Variants in ADGRE2 observed in about 807,000 individuals in gnomAD.
ADGRE2 encodes the protein adhesion G protein-coupled receptor E2, also known as CD97 antigen.
In ADGRE2, 83 loss-of-function variants were observed where a neutral mutation model predicts 100.8. The observed-to-expected ratio is 0.82, with a 90% CI of 0.69 to 0.99. The LOEUF is 0.99. Among genes scored for constraint, ADGRE2 ranks in the 50% least tolerant of loss-of-function variants. The probability of loss-of-function intolerance (pLI) is 0.00; values close to 1 mark genes in which losing one functional copy is unlikely to be tolerated. For synonymous variants in ADGRE2, 355 were observed against 413.0 expected, an observed-to-expected ratio of 0.86 and a Z score of 1.70; for missense variants, 814 against 1,035.7, an observed-to-expected ratio of 0.79 and a Z score of 2.94.
rs576270314 is a variant in ADGRE2 at position 14,735,013 on chromosome 19, A to G, written c.*1223T>C. ...AGGGAACTTGGAGCCGCCATTTTGG[A>G]CATGCCTAGTCTAGGTAGCTTTTTC... On this transcript the variant is annotated 3_prime_UTR_variant, in exon 21 of 21. Transcript: ENST00000315576. 6.6e-6 allele frequency: 1 copy of G among 152,306 alleles called. No individual in the cohort carries two copies. The highest frequency in any genetic ancestry group is 1.9e-4 in the East Asian group (1 of 5,186). 9.4% of individuals were successfully genotyped at this position (152,306 alleles called of 1,614,324 possible).
rs117889898 is a variant in ADGRE2 at position 14,734,345 on chromosome 19, C to G, written c.*1891G>C. The G allele has an allele frequency of 0.012, 1,774 of 152,310 alleles. 28 individuals carry two copies. Among genetic ancestry groups the G allele is most frequent in the East Asian group, 0.067 (345 of 5,174 alleles). 9.4% of individuals were successfully genotyped at this position (152,310 alleles called of 1,614,324 possible). On this transcript the variant is annotated 3_prime_UTR_variant, in exon 21 of 21. Transcript: ENST00000315576. ...AGCCTGGGCAGCATAGTGAGACCCA[C>G]GTCTCTACAAAAAATACAAAAATTA...
chr19:14,725,286 G>A, the ADGRE2 span, among the ~76,000 whole-genome samples: 1 of 152,128 alleles, frequency 6.6e-6, no homozygotes, highest in Non-Finnish European at 1.5e-5. Context: ...ATCCGAATAC[G>A]TCCCACCAGT....
chr19:14,731,646 T>A, downstream of ADGRE2: 1 of 149,016 alleles, frequency 6.7e-6, no homozygotes, highest in East Asian at 2.0e-4. Flanking sequence ...AAACTCTACC[T>A]TAAAGCCGTA....
chr19:14,750,745 G>A (rs2043259544), intron 16 of ADGRE2, among the ~76,000 whole-genome samples: 1 of 152,146 alleles, frequency 6.6e-6, no homozygotes, highest in South Asian at 2.1e-4. Flanking sequence ...TTTAAAAAAT[G>A]CTGTCTTGAG....
chr19:14,755,167 C>T lies in ADGRE2; in HGVS notation c.1417-40G>A, dbSNP rs748314518. ...CACAGGTGTGGGCTGGGCATGGTGG[C>T]TCACGCCTGTAATCCCAGCACTTTG... On this transcript the variant is annotated intron_variant, in intron 13 of 20. Transcript: ENST00000315576. The T allele has an allele frequency of 1.9e-6, 3 of 1,594,600 alleles. No individual in the cohort carries two copies. The African/African-American group carries it at 4.0e-5, about 21-fold the overall frequency.
At chr19:14,747,888 T>C (rs985285612) in intron 16 of ADGRE2, among the ~76,000 whole-genome samples, 1 of 152,226 alleles carries the variant, frequency 6.6e-6, no homozygotes, top group African/African-American at 2.4e-5. Context: ...TATATTACGT[T>C]TTGTTTATTC....
chr19:14,763,614 C>T (rs891686136), intron 11 of ADGRE2, among the ~76,000 whole-genome samples: 1 of 144,924 alleles, frequency 6.9e-6, no homozygotes, highest in Non-Finnish European at 1.5e-5. Flanking sequence ...TCTCCTCCTC[C>T]TCCTGTGCTC....
chr19:14,772,624 A>G (rs73519935), intron 4 of ADGRE2, 127 bp from the exon 5 acceptor site: 2 of 1,129,792 alleles, frequency 1.8e-6, no homozygotes, highest in Non-Finnish European at 1.3e-6. Context: ...CTCAAGTTGC[A>G]CTGCACAGGC....
intron 20 of ADGRE2, among the ~76,000 whole-genome samples, chr19:14,739,147 T>A (rs947890851): frequency 2.0e-5 from 3 of 151,942 alleles, no homozygotes; most frequent in African/African-American, 7.3e-5. Context: ...TTTTTGTGTT[T>A]TTAGTAGAGG....
At chr19:14,731,344 C>A (rs962468862), downstream of ADGRE2, 4 of 701,014 alleles carry the variant, frequency 5.7e-6, no homozygotes, top group African/African-American at 7.2e-5. Context: ...ACTTCCAGTT[C>A]CGTGACATCC....
chr19:14,771,050 T>C (rs1422916569), intron 5 of ADGRE2, among the ~76,000 whole-genome samples: 1 of 152,094 alleles, frequency 6.6e-6, no homozygotes, highest in African/African-American at 2.4e-5. Flanking sequence ...CAATGTAGCA[T>C]CTGTTCACAG....
intron 5 of ADGRE2, among the ~76,000 whole-genome samples, chr19:14,769,675 C>A (rs2044122588): frequency 6.6e-6 from 1 of 152,132 alleles, no homozygotes; most frequent in Non-Finnish European, 1.5e-5. Flanking sequence ...GGCCTCTTTT[C>A]TTTTCTCTCT....
In ADGRE2 at chr19:14,762,465, G is replaced by A. The variant is rs75255873; in HGVS notation, c.1084+1968C>T. On this transcript the variant is annotated intron_variant, in intron 11 of 20. Transcript: ENST00000315576. Reference sequence around the variant, plus strand: ...CCATGGAAACAGAAAGCAGATTAGCGGCTGCCATGGGTTGGAGGAAGGGAG... The same window carrying A: ...CCATGGAAACAGAAAGCAGATTAGCAGCTGCCATGGGTTGGAGGAAGGGAG... Among the ~76,000 whole-genome samples the A allele has an allele frequency of 8.1e-4, 123 of 152,026 alleles. 4 individuals carry two copies. The East Asian group carries it at 0.021, about 26-fold the overall frequency.
intron 11 of ADGRE2, among the ~76,000 whole-genome samples, chr19:14,760,502 A>G (rs2147336940): frequency 6.6e-6 from 1 of 152,296 alleles, no homozygotes. Context: ...TAGAATTACC[A>G]TATCACCCAG....
chr19:14,746,830 TTTA>T, intron 17 of ADGRE2, 63 bp downstream of exon 17: 7 of 1,501,708 alleles, frequency 4.7e-6, no homozygotes, highest in Non-Finnish European at 6.4e-6. Flanking sequence ...TGTCACCATC[TTTA>T]TTATCTTGTT....
chr19:14,746,485 G>A (rs141637138), intron 17 of ADGRE2, among the ~76,000 whole-genome samples, 162 bp from the exon 18 acceptor site: 35 of 149,708 alleles, frequency 2.3e-4, no homozygotes, highest in African/African-American at 8.7e-4. Context: ...CGATTCTCCT[G>A]TCTCAGCCTC....
intron 2 of ADGRE2, among the ~76,000 whole-genome samples, chr19:14,775,498 G>A (rs1439287643): frequency 2.0e-5 from 3 of 151,914 alleles, no homozygotes; most frequent in Non-Finnish European, 4.4e-5. Flanking sequence ...TCCAGCTGCC[G>A]CTCTTCTGAC....
At chr19:14,743,266 A>G (rs2042983100) in intron 20 of ADGRE2, among the ~76,000 whole-genome samples, 154 bp downstream of exon 20, 1 of 151,990 alleles carries the variant, frequency 6.6e-6, no homozygotes, top group African/African-American at 2.4e-5. Context: ...ATTTAAACTG[A>G]GATCATTGCT....
At chr19:14,755,516 C>T (rs1158502556) in intron 13 of ADGRE2, 138 bp downstream of exon 13, 19 of 769,796 alleles carry the variant, frequency 2.5e-5, no homozygotes, top group Middle Eastern at 3.7e-4. Context: ...TACCCAAAGC[C>T]GGCTTGGGAA....
Sources: gnomAD v4.1 joint callset for allele counts (sites outside exome capture counted in the v4.1 genomes callset) on GRCh38, gnomAD v4.1.1 for gene constraint, MANE v1.5 for transcripts, NCBI Gene and HGNC (gene_info 2026-07-23, HGNC 2026-07-21) for gene names.